Variants in PTPN9 observed in about 807,000 individuals in gnomAD.
PTPN9 encodes protein tyrosine phosphatase non-receptor type 9, also known as tyrosine-protein phosphatase non-receptor type 9.
PTPN9 carries 26 observed loss-of-function variants against 69.8 expected under a neutral mutation model. The observed-to-expected ratio is 0.37, with a 90% CI of 0.27 to 0.52. The LOEUF is 0.52. Ranked by LOEUF, PTPN9 falls within the 20% of genes least tolerant of loss-of-function variation. The pLI is 0.91. For synonymous variants in PTPN9, 274 were observed against 272.5 expected, an observed-to-expected ratio of 1.01 and a Z score of -0.05; for missense variants, 549 against 740.3, an observed-to-expected ratio of 0.74 and a Z score of 3.00.
At chr15:75,573,208 A>T (rs894190560) in intron 1 of PTPN9, among the ~76,000 whole-genome samples, 2 of 152,202 alleles carry the variant, frequency 1.3e-5, no homozygotes, top group Non-Finnish European at 2.9e-5. Flanking sequence ...TCCTTCTCTC[A>T]GTCTGAGTTT....
chr15:75,506,060 T>A, intron 6 of PTPN9, 57 bp from the exon 7 acceptor site: 1 of 1,319,156 alleles, frequency 7.6e-7, no homozygotes, highest in African/African-American at 1.5e-5. Flanking sequence ...GCATATAGAG[T>A]GACAAAGAAT....
intron 4 of PTPN9, 102 bp downstream of exon 4, chr15:75,523,018 CA>C: frequency 7.4e-7 from 1 of 1,355,224 alleles, no homozygotes; most frequent in Admixed American, 2.0e-5. Flanking sequence ...GCCCAGGGCA[CA>C]TCCTAGGAGA....
At position 75,506,050 on chromosome 15, in the gene PTPN9, G is replaced by A. The variant is rs1018944401; in HGVS notation, c.640-47C>T. The A allele has an allele frequency of 2.1e-6, 3 of 1,402,628 alleles. No individual in the cohort carries two copies. In the African/African-American group the frequency reaches 4.3e-5, roughly 20 times the overall value. The allele number at this position is 1,402,628 out of a possible 1,614,324, so 86.9% of individuals were successfully genotyped here. A position where few individuals can be genotyped will look rare whatever the true frequency, so the allele number is the denominator to read the frequency against. On this transcript the variant is annotated intron_variant, in intron 6 of 12. Transcript: ENST00000618819. ...TGTGAGTATGTGGGAGGAGGGAAAG[G>A]CATATAGAGTGACAAAGAATAAATG...
In PTPN9 at chr15:75,487,307, G is replaced by A. The variant is rs1220267007; in HGVS notation, c.1062+2901C>T. 6.8e-5 allele frequency: 10 copies of A among 146,574 alleles called. No individual in the cohort carries two copies. In the South Asian group the frequency reaches 8.6e-4, roughly 13 times the overall value. 9.1% of individuals were successfully genotyped at this position (146,574 alleles called of 1,614,324 possible). A position where few individuals can be genotyped will look rare whatever the true frequency, so the allele number is the denominator to read the frequency against. ...AAATAATTTTTTTTTTTTTGCTTTC[G>A]GCCCGCAAAGTAAATAATGTCAAAA... is the stretch of plus-strand genomic sequence containing the variant. On this transcript the variant is annotated intron_variant, in intron 8 of 12. Coordinates refer to ENST00000618819, the MANE Select transcript of PTPN9 (RefSeq NM_002833.4).
chr15:75,507,977 G>A (rs1294783402), intron 6 of PTPN9, among the ~76,000 whole-genome samples: 1 of 150,040 alleles, frequency 6.7e-6, no homozygotes, highest in African/African-American at 2.5e-5. Context: ...CAGGAGGCGG[G>A]GCTGCAGTGA....
intron 9 of PTPN9, among the ~76,000 whole-genome samples, chr15:75,475,087 A>G (rs560187169): frequency 2.0e-4 from 31 of 152,282 alleles, no homozygotes; most frequent in African/African-American, 7.5e-4. Context: ...TGACCATTTA[A>G]TTTATATACT....
At chr15:75,503,748 C>T (rs1310600939) in intron 7 of PTPN9, among the ~76,000 whole-genome samples, 1 of 114,434 alleles carries the variant, frequency 8.7e-6, no homozygotes, top group African/African-American at 3.7e-5. Context: ...ACCCGGCCAG[C>T]CGCCCCATCC....
intron 7 of PTPN9, among the ~76,000 whole-genome samples, chr15:75,504,559 A>T: frequency 8.1e-6 from 1 of 123,906 alleles, no homozygotes; most frequent in Non-Finnish European, 1.7e-5. Context: ...CCAGGAGGTG[A>T]GGGGCGCCTC....
chr15:75,562,269 C>CTTA (rs34171223), intron 1 of PTPN9, among the ~76,000 whole-genome samples: 1 of 152,148 alleles, frequency 6.6e-6, no homozygotes, highest in Non-Finnish European at 1.5e-5. Flanking sequence ...TTCTGTCATA[C>CTTA]GTAAATGTAC....
At chr15:75,496,281 A>T (rs111505610) in intron 7 of PTPN9, among the ~76,000 whole-genome samples, 3,024 of 140,896 alleles carry the variant, frequency 0.021, 100 homozygotes, top group African/African-American at 0.072. Flanking sequence ...TCTAAAAATT[A>T]AAAAAAAAAA....
At position 75,466,496 on chromosome 15, in the gene PTPN9, G is replaced by A. The variant is rs919277643; in HGVS notation, c.*2273C>T. On this transcript the variant is annotated 3_prime_UTR_variant, in exon 13 of 13. Coordinates refer to ENST00000618819, the MANE Select transcript of PTPN9 (RefSeq NM_002833.4). ...ACCCATAGATATGGAGTCTCCTGGG[G>A]AGAATGATAACCCCTTTGGTACGCT... The A allele has an allele frequency of 4.6e-5, 7 of 152,154 alleles. No homozygotes were observed. The highest frequency in any genetic ancestry group is 1.7e-4 in the African/African-American group (7 of 41,418). The allele number at this position is 152,154 out of a possible 1,614,324, so 9.4% of individuals were successfully genotyped here.
At chr15:75,505,263 GCTCGTTAAGAATCATCACCA>G (rs1363159401) in intron 7 of PTPN9, among the ~76,000 whole-genome samples, 13 of 149,014 alleles carry the variant, frequency 8.7e-5, no homozygotes, top group African/African-American at 3.3e-4. Context: ...AAGGCAGCAT[GCTCGTTAAGAATCATCACCA>G]CTCCCTAATC....
chr15:75,550,963 A>T (rs1398583670), intron 1 of PTPN9, among the ~76,000 whole-genome samples: 2 of 152,170 alleles, frequency 1.3e-5, no homozygotes, highest in Non-Finnish European at 2.9e-5. Context: ...AAAAGATTTT[A>T]AAGGAAAAGC....
chr15:75,511,268 T>C (rs148372104), intron 5 of PTPN9, among the ~76,000 whole-genome samples: 3 of 152,310 alleles, frequency 2.0e-5, no homozygotes, highest in Non-Finnish European at 2.9e-5. Flanking sequence ...TCCTTTTTTT[T>C]TGAGACAAGT....
chr15:75,536,725 A>C (rs1395573678), intron 1 of PTPN9, among the ~76,000 whole-genome samples: 1 of 152,150 alleles, frequency 6.6e-6, no homozygotes, highest in Non-Finnish European at 1.5e-5. Flanking sequence ...TGATCCTATA[A>C]ACATAAAAGA....
At chr15:75,483,292 T>C (rs1177752704) in intron 8 of PTPN9, among the ~76,000 whole-genome samples, 4 of 152,314 alleles carry the variant, frequency 2.6e-5, no homozygotes, top group African/African-American at 9.6e-5. Context: ...TTATTCGTAA[T>C]AGCCAAAAAT....
rs2074931957 is a variant in PTPN9 at position 75,527,123 on chromosome 15, A to G, written c.202T>C (p.Tyr68His). The stretch of plus-strand genomic sequence containing the variant: ...TCTACCCCTGAGCCACATACTCTGT[A>G]GGAGTGGAACAATTCTATGGCACGG... ...VLRAIELFHS[Y>H]RETRRKEGIV... is the part of the protein sequence containing the mutation. The change falls in exon 2 of 13, where the codon TAC (tyrosine) becomes CAC (histidine). Residue 68 changes from tyrosine to histidine, a missense_variant. This residue lies in a region of PTPN9 where 457 missense variants were observed against 661.9 expected (regional missense o/e 0.69). Coordinates refer to ENST00000618819, the MANE Select transcript of PTPN9 (RefSeq NM_002833.4). 1 of 1,614,192 alleles carries G rather than the reference A, an allele frequency of 6.2e-7. No homozygotes were observed. Among genetic ancestry groups the G allele is most frequent in the Non-Finnish European group, 8.5e-7 (1 of 1,180,028 alleles).
intron 1 of PTPN9, among the ~76,000 whole-genome samples, chr15:75,551,202 TG>T (rs1171543578): frequency 6.6e-6 from 1 of 152,184 alleles, no homozygotes; most frequent in East Asian, 1.9e-4. Context: ...CCAGTGTAGC[TG>T]GGACTACAGG....
At chr15:75,469,726 G>A in intron 12 of PTPN9, 66 bp downstream of exon 12, 2 of 1,531,442 alleles carry the variant, frequency 1.3e-6, no homozygotes, top group Non-Finnish European at 1.8e-6. Flanking sequence ...TGGGCTAAGA[G>A]CTTTGTTTTT....
Sources: allele counts gnomAD v4.1 joint callset (sites outside exome capture counted in the v4.1 genomes callset), GRCh38; gene constraint gnomAD v4.1.1; regional missense constraint gnomAD v4.1.1; transcripts MANE v1.5; gene names NCBI Gene and HGNC (gene_info 2026-07-23, HGNC 2026-07-21).